The following GPR15LG variants were observed in gnomAD, a reference collection of about 807,000 sequenced individuals.
GPR15LG encodes G protein-coupled receptor 15 ligand, also known as protein GPR15LG.
chr10:84,181,073 G>A, the GPR15LG span, among the ~76,000 whole-genome samples: 18 of 152,000 alleles, frequency 1.2e-4, 1 homozygote, highest in Admixed American at 5.2e-4. Context: ...GAGGGAGACC[G>A]TGCAAAGAGG....
the GPR15LG span, among the ~76,000 whole-genome samples, chr10:84,181,958 G>A: frequency 6.6e-6 from 1 of 152,202 alleles, no homozygotes; most frequent in Non-Finnish European, 1.5e-5. Flanking sequence ...GGGAGGTCCT[G>A]TGGGAAGTCT....
chr10:84,181,597 T>C, the GPR15LG span, among the ~76,000 whole-genome samples: 1 of 152,164 alleles, frequency 6.6e-6, no homozygotes, highest in African/African-American at 2.4e-5. Context: ...AACTTTTCTA[T>C]TTTTGCAAAG....
At chr10:84,184,296 C>T in the GPR15LG span, among the ~76,000 whole-genome samples, 7 of 152,306 alleles carry the variant, frequency 4.6e-5, no homozygotes, top group Non-Finnish European at 8.8e-5. Context: ...TGGCATGTGC[C>T]ATCTGGAAGG....
At chr10:84,178,541 CACAGACA>C in the GPR15LG span, among the ~76,000 whole-genome samples, 1 of 151,788 alleles carries the variant, frequency 6.6e-6, no homozygotes, top group Admixed American at 6.6e-5. Flanking sequence ...ACAATACACT[CACAGACA>C]CTACACATGG....
At chr10:84,182,845 T>C in the GPR15LG span, among the ~76,000 whole-genome samples, 1 of 152,060 alleles carries the variant, frequency 6.6e-6, no homozygotes, top group Non-Finnish European at 1.5e-5. Context: ...GAAGATAGTC[T>C]TGGGATCTGA....
At chr10:84,184,626 T>G in the GPR15LG span, 8 of 1,575,778 alleles carry the variant, frequency 5.1e-6, no homozygotes, top group Non-Finnish European at 6.1e-6. Flanking sequence ...AACCTGGCTC[T>G]GACCTCGCCA....
chr10:84,174,040 C>A, the GPR15LG span: 2 of 783,756 alleles, frequency 2.6e-6, no homozygotes, highest in Non-Finnish European at 4.4e-6. Flanking sequence ...AGTCCTGAGC[C>A]CCGGAAAGAT....
chr10:84,175,424 T>G, the GPR15LG span, among the ~76,000 whole-genome samples: 3 of 152,240 alleles, frequency 2.0e-5, no homozygotes, highest in South Asian at 6.2e-4. Flanking sequence ...ATTAATCAAC[T>G]AATATTTTCA....
the GPR15LG span, chr10:84,176,506 T>C: frequency 1.9e-6 from 3 of 1,613,606 alleles, no homozygotes; most frequent in East Asian, 6.7e-5. Context: ...CAAGGCCTGG[T>C]CAGGCAGGAG....
the GPR15LG span, chr10:84,185,173 T>G: frequency 1.3e-6 from 1 of 765,570 alleles, no homozygotes; most frequent in Non-Finnish European, 1.6e-6. Flanking sequence ...CCTCCTGGCA[T>G]TTAACTACCA....
the GPR15LG span, among the ~76,000 whole-genome samples, chr10:84,179,243 T>A: frequency 6.6e-6 from 1 of 152,170 alleles, no homozygotes; most frequent in Admixed American, 6.5e-5. Context: ...CACTGGACCA[T>A]GATGAGCCGT....
At chr10:84,174,479 C>T in the GPR15LG span, among the ~76,000 whole-genome samples, 1 of 141,794 alleles carries the variant, frequency 7.1e-6, no homozygotes, top group South Asian at 2.2e-4. Context: ...GCTCTCTTGC[C>T]CTTTTTTCTT....
chr10:84,179,414 G>T, the GPR15LG span, among the ~76,000 whole-genome samples: 1 of 152,206 alleles, frequency 6.6e-6, no homozygotes, highest in African/African-American at 2.4e-5. Flanking sequence ...GCACGTTCTT[G>T]TCCAGGCTTG....
the GPR15LG span, among the ~76,000 whole-genome samples, chr10:84,184,132 C>T: frequency 2.7e-5 from 4 of 146,420 alleles, no homozygotes; most frequent in Non-Finnish European, 4.5e-5. Context: ...CTAGCCTAGG[C>T]GACATAAGGA....
At chr10:84,177,818 T>A in the GPR15LG span, among the ~76,000 whole-genome samples, 1 of 152,062 alleles carries the variant, frequency 6.6e-6, no homozygotes, top group African/African-American at 2.4e-5. Flanking sequence ...GTGAAAACCT[T>A]CCAGAGAGAG....
chr10:84,184,721 A>G, the GPR15LG span: 4 of 1,614,008 alleles, frequency 2.5e-6, no homozygotes, highest in Non-Finnish European at 3.4e-6. Context: ...AGCTTGAGCC[A>G]GAGCCCCGCC....
At chr10:84,176,052 C>A in the GPR15LG span, among the ~76,000 whole-genome samples, 3 of 151,890 alleles carry the variant, frequency 2.0e-5, no homozygotes, top group Admixed American at 1.3e-4. Flanking sequence ...ACATGCCAGG[C>A]TGATTTTGTA....
At chr10:84,183,155 G>T in the GPR15LG span, among the ~76,000 whole-genome samples, 2 of 152,110 alleles carry the variant, frequency 1.3e-5, no homozygotes, top group African/African-American at 4.8e-5. Context: ...CTAGGTGTGG[G>T]TGGCACTTAC....
the GPR15LG span, among the ~76,000 whole-genome samples, chr10:84,175,168 G>T: frequency 1.1e-4 from 16 of 152,094 alleles, no homozygotes; most frequent in African/African-American, 3.9e-4. Context: ...CTGAGTAGTG[G>T]GATTATAACA....
Sources: allele counts gnomAD v4.1 joint callset (sites outside exome capture counted in the v4.1 genomes callset), GRCh38; gene constraint gnomAD v4.1.1; transcripts MANE v1.5; gene names NCBI Gene and HGNC (gene_info 2026-07-23, HGNC 2026-07-21).